ADAMTS9: variants seen among roughly 807,000 people sequenced by gnomAD.
ADAMTS9 encodes ADAM metallopeptidase with thrombospondin type 1 motif 9.
In ADAMTS9, 107 loss-of-function variants were observed where a neutral mutation model predicts 257.1. That is an observed-to-expected ratio of 0.42 (90% confidence interval 0.36 to 0.49). ADAMTS9 has a LOEUF of 0.49. Ranked by LOEUF, ADAMTS9 falls within the 20% of genes least tolerant of loss-of-function variation. The probability of loss-of-function intolerance (pLI) is 0.03; values close to 1 mark genes in which losing one functional copy is unlikely to be tolerated. For missense variants in ADAMTS9, 2,353 were observed against 2,469.1 expected, an observed-to-expected ratio of 0.95 and a Z score of 1.00; for synonymous variants, 982 against 880.9, an observed-to-expected ratio of 1.11 and a Z score of -2.03.
Position 64,561,740 on chromosome 3 carries a change from G to A in ADAMTS9, c.4536C>T (p.Ser1512=). 1 of 1,611,756 alleles carries A rather than the reference G, an allele frequency of 6.2e-7. No homozygotes were observed. Among genetic ancestry groups the A allele is most frequent in the Non-Finnish European group, 8.5e-7 (1 of 1,179,054 alleles). Residue 1512 remains serine (S), a synonymous_variant, in exon 30 of 40, where the codon TCC becomes TCT. Transcript: ENST00000498707. ...GCCTCTGCTGTACGCCTCGGCCACA[G>A]GACACAGAGCACTAAGAAGACAGAG... The part of the protein sequence containing the change: ...KAGAWSQCSV[S]CGRGVQQRHV...
rs1419526324 is a variant in ADAMTS9, at chr3:64,581,802, A to G, written c.4356+12456T>C. ...TGCATAAGTCTGTTCTTTAATACAT[A>G]TTTCTGTGGTCTTCCATCAAATAAA... On this transcript the variant is annotated intron_variant, in intron 28 of 39. Transcript: ENST00000498707. Among the ~76,000 whole-genome samples the G allele has an allele frequency of 2.6e-5, 4 of 152,174 alleles. No individual in the cohort carries two copies. The East Asian group carries it at 7.7e-4, about 29-fold the overall frequency.
At chr3:64,649,844 C>G in intron 9 of ADAMTS9, 66 bp from the exon 10 acceptor site, 8 of 1,529,228 alleles carry the variant, frequency 5.2e-6, no homozygotes, top group Admixed American at 3.9e-5. Context: ...CCCCAGGTAA[C>G]AGTAAAGGCC....
chr3:64,517,416 G>GTTTTTTGTTTTTTTTTTTTTTTT (rs2082789402), intron 39 of ADAMTS9, among the ~76,000 whole-genome samples: 1 of 52,638 alleles, frequency 1.9e-5, no homozygotes. Flanking sequence ...ATTAAAAATG[G>GTTTTTTGTTTTTTTTTTTTTTTT]TTTTTTTTTT....
At chr3:64,520,279 T>C (rs2082832853) in intron 39 of ADAMTS9, among the ~76,000 whole-genome samples, 1 of 152,048 alleles carries the variant, frequency 6.6e-6, no homozygotes, top group African/African-American at 2.4e-5. Flanking sequence ...AAACATTGCT[T>C]AAGGAAATCA....
intron 28 of ADAMTS9, 124 bp from the exon 29 acceptor site, chr3:64,568,659 C>T (rs538438864): frequency 1.5e-4 from 169 of 1,159,510 alleles, no homozygotes; most frequent in Non-Finnish European, 1.6e-4. Context: ...TCTTTTACAG[C>T]GCCAGTTTGG....
Position 64,615,430 on chromosome 3 carries a change from G to GCA in ADAMTS9, c.3079_3080insTG (p.Thr1027MetfsTer61). 1 of 1,613,916 alleles carries GCA rather than the reference G, an allele frequency of 6.2e-7. No homozygotes were observed. The highest frequency in any genetic ancestry group is 8.5e-7 in the Non-Finnish European group (1 of 1,179,888). On this transcript the variant is annotated frameshift_variant, in exon 21 of 40. Coordinates refer to ENST00000498707, the MANE Select transcript of ADAMTS9 (RefSeq NM_182920.2). LOFTEE classifies it high-confidence loss of function. ...GCTGTCATCCAGTACATCATTTCGG[G>GCA]TATTGACACAAATAGCCCTTCTCCT...
At chr3:64,614,908 C>G (rs1362605018) in intron 21 of ADAMTS9, 1 of 154,926 alleles carries the variant, frequency 6.5e-6, no homozygotes, top group Non-Finnish European at 1.4e-5. Context: ...AGGTCACTCC[C>G]TGGGGTCTAA....
chr3:64,633,489 C>T lies in ADAMTS9; in HGVS notation c.2158G>A (p.Val720Ile), dbSNP rs555895503. Residue 720 changes from valine to isoleucine, a missense_variant, in exon 14 of 40, where the codon GTC (valine) becomes ATC (isoleucine). By Grantham distance (29) the Val-to-Ile change is conservative. This residue lies in a region of ADAMTS9 where 360 missense variants were observed against 458.1 expected (regional missense o/e 0.79). Transcript: ENST00000498707. ...PCGQDTNDIC[V>I]QGLCRQAGCD... ...GGACTTACCCGGCAAAGGCCCTGGA[C>T]ACAGATATCATTTGTGTCCTGGCCA... 6.2e-7 allele frequency: 1 copy of T among 1,614,082 alleles called. No individual in the cohort carries two copies. The highest frequency in any genetic ancestry group is 1.1e-5 in the South Asian group (1 of 91,084).
At chr3:64,590,604 G>A in intron 28 of ADAMTS9, among the ~76,000 whole-genome samples, 1 of 152,102 alleles carries the variant, frequency 6.6e-6, no homozygotes, top group Non-Finnish European at 1.5e-5. Flanking sequence ...GAGAAGCAGT[G>A]AGGTTATAAA....
At chr3:64,616,285 C>T (rs988696980) in intron 19 of ADAMTS9, 115 bp from the exon 20 acceptor site, 7 of 1,102,410 alleles carry the variant, frequency 6.3e-6, no homozygotes, top group Non-Finnish European at 2.6e-6. Flanking sequence ...AACTCGAATA[C>T]CATGAAGCCC....
At chr3:64,679,466 G>T (rs1187328853) in intron 3 of ADAMTS9, among the ~76,000 whole-genome samples, 1 of 152,178 alleles carries the variant, frequency 6.6e-6, no homozygotes, top group Non-Finnish European at 1.5e-5. Context: ...TACCTCATAG[G>T]TTTGTGATAA....
chr3:64,654,331 A>C, intron 8 of ADAMTS9, 22 bp downstream of exon 8: 1 of 1,600,842 alleles, frequency 6.2e-7, no homozygotes, highest in Non-Finnish European at 8.5e-7. Context: ...AAATTAAATG[A>C]AATTACTGAA....
chr3:64,532,375 G>A (rs977674565), intron 38 of ADAMTS9, among the ~76,000 whole-genome samples: 1 of 152,160 alleles, frequency 6.6e-6, no homozygotes, highest in Non-Finnish European at 1.5e-5. Flanking sequence ...GTAATTGATT[G>A]AATACTGTAC....
At chr3:64,550,741 G>A (rs2083259857) in intron 31 of ADAMTS9, 151 bp downstream of exon 31, 1 of 903,048 alleles carries the variant, frequency 1.1e-6, no homozygotes, top group Non-Finnish European at 1.7e-6. Flanking sequence ...TGGGAAAGCT[G>A]AGGACTTGTC....
intron 28 of ADAMTS9, among the ~76,000 whole-genome samples, chr3:64,575,749 T>C (rs1296361993): frequency 6.6e-6 from 1 of 152,158 alleles, no homozygotes; most frequent in Non-Finnish European, 1.5e-5. Context: ...GGGAGAATAG[T>C]AGTAACTGTA....
intron 22 of ADAMTS9, among the ~76,000 whole-genome samples, chr3:64,609,776 C>T (rs575469585): frequency 1.5e-3 from 224 of 152,154 alleles, no homozygotes; most frequent in African/African-American, 4.9e-3. Context: ...AATGAAAAAG[C>T]GGATTCTCAA....
At chr3:64,639,753 T>TA (rs1444500845) in intron 12 of ADAMTS9, among the ~76,000 whole-genome samples, 1 of 152,190 alleles carries the variant, frequency 6.6e-6, no homozygotes, top group African/African-American at 2.4e-5. Context: ...TATTAGTTGT[T>TA]ACGATACAAG....
chr3:64,607,914 T>C (rs776341465), intron 22 of ADAMTS9, among the ~76,000 whole-genome samples: 17 of 152,126 alleles, frequency 1.1e-4, no homozygotes, highest in Non-Finnish European at 1.6e-4. Flanking sequence ...AGTCTCAATA[T>C]GTTTTAAAAG....
intron 23 of ADAMTS9, among the ~76,000 whole-genome samples, chr3:64,605,090 T>G (rs554875113): frequency 6.6e-6 from 1 of 152,332 alleles, no homozygotes; most frequent in Admixed American, 6.5e-5. Flanking sequence ...CATCTTTGCC[T>G]TAGAAAATCT....
Sources: allele counts gnomAD v4.1 joint callset (sites outside exome capture counted in the v4.1 genomes callset), GRCh38; gene constraint gnomAD v4.1.1; regional missense constraint gnomAD v4.1.1; transcripts MANE v1.5; gene names NCBI Gene and HGNC (gene_info 2026-07-23, HGNC 2026-07-21).